The following RAB40C variants were observed in gnomAD, a reference collection of about 807,000 sequenced individuals.
RAB40C encodes the protein ras-related protein Rab-40C.
Under a neutral mutation model 28.1 loss-of-function variants are expected in RAB40C, and 8 were observed. The observed-to-expected ratio is 0.28, with a 90% CI of 0.17 to 0.51. The LOEUF (loss-of-function observed/expected upper bound fraction) is 0.51, where lower values mean the gene tolerates loss of function less well. Among genes scored for constraint, RAB40C ranks in the 20% least tolerant of loss-of-function variants. RAB40C has a pLI of 0.97. For missense variants in RAB40C, 288 were observed against 405.9 expected, an observed-to-expected ratio of 0.71 and a Z score of 2.50; for synonymous variants, 201 against 171.7, an observed-to-expected ratio of 1.17 and a Z score of -1.34.
In RAB40C at chr16:610,186, G is replaced by A. The variant is rs1198105497; in HGVS notation, c.143-7022G>A. Among the ~76,000 whole-genome samples the A allele has an allele frequency of 6.6e-6, 1 of 152,150 alleles. No homozygotes were observed. Among genetic ancestry groups the A allele is most frequent in the African/African-American group, 2.4e-5 (1 of 41,426 alleles). ...CCGAGGCGCCGGTGGCTTTGCTCTG[G>A]TGGCAGGACAGGTGTTCTGACCTCC... On this transcript the variant is annotated intron_variant, in intron 1 of 5. Coordinates refer to ENST00000248139, the MANE Select transcript of RAB40C (RefSeq NM_021168.5). This position sits in a 1 kb window ranked among gnomAD's most constrained non-coding sequence, Gnocchi z 4.6.
intron 1 of RAB40C, among the ~76,000 whole-genome samples, chr16:603,307 A>G (rs2036294030): frequency 6.6e-6 from 1 of 152,198 alleles, no homozygotes; most frequent in African/African-American, 2.4e-5. Context: ...AATTTGTTAG[A>G]TAACTTTTCC....
intron 4 of RAB40C, 156 bp downstream of exon 4, chr16:625,665 C>T: frequency 1.1e-6 from 1 of 907,854 alleles, no homozygotes; most frequent in Non-Finnish European, 1.7e-6. Context: ...ATGCTGGTCA[C>T]TGTGCACACG....
chr16:591,635 A>G (rs1308091892), intron 1 of RAB40C, among the ~76,000 whole-genome samples: 1 of 146,158 alleles, frequency 6.8e-6, no homozygotes, highest in East Asian at 2.0e-4. Context: ...CTCTGTCGCC[A>G]GGCTGGAGTG....
intron 1 of RAB40C, among the ~76,000 whole-genome samples, chr16:608,349 G>C (rs1472495118): frequency 6.6e-6 from 1 of 152,218 alleles, no homozygotes; most frequent in Non-Finnish European, 1.5e-5. Flanking sequence ...GTGGGGATTA[G>C]TCAAGGTGAG....
chr16:625,652 G>A (rs2036814210), intron 4 of RAB40C, 143 bp downstream of exon 4: 1 of 954,588 alleles, frequency 1.0e-6, no homozygotes, highest in African/African-American at 1.6e-5. Context: ...CCTACGCCTG[G>A]GCATGCTGGT....
chr16:618,202 A>T lies in RAB40C; in HGVS notation c.206A>T (p.Asp69Val), dbSNP rs2036629408. Reference protein sequence around the residue: ...DGRRVKLELWDTSGQGRFCTI... With the variant: ...DGRRVKLELWVTSGQGRFCTI... ...CCTCCCCTCCCCGTATGTTTCAGGGACACGTCGGGCCAGGGCCGGTTCTGC... is the reference window on the plus strand; with the variant it reads ...CCTCCCCTCCCCGTATGTTTCAGGGTCACGTCGGGCCAGGGCCGGTTCTGC... The change falls in exon 3 of 6, where the codon GAC (aspartate) becomes GTC (valine). Residue 69 changes from aspartate to valine, a missense_variant and splice_region_variant. Around this residue, in one of 3 missense-constraint regions of RAB40C, gnomAD observed 153 missense variants for 262.4 expected, o/e 0.58. Coordinates refer to ENST00000248139, the MANE Select transcript of RAB40C (RefSeq NM_021168.5). 6.2e-7 allele frequency: 1 copy of T among 1,613,096 alleles called. No homozygotes were observed. The highest frequency in any genetic ancestry group is 1.3e-5 in the African/African-American group (1 of 74,890).
At chr16:623,040 C>T (rs1417220230) in intron 3 of RAB40C, among the ~76,000 whole-genome samples, 1 of 152,156 alleles carries the variant, frequency 6.6e-6, no homozygotes, top group Non-Finnish European at 1.5e-5. Flanking sequence ...CCTCCTGTGC[C>T]ATCGCCCCTG....
Position 602,633 on chromosome 16 carries a change from A to G in RAB40C, c.142+12200A>G, listed in dbSNP as rs144717195. Among the ~76,000 whole-genome samples the G allele has an allele frequency of 1.1e-4, 16 of 152,164 alleles. No individual in the cohort carries two copies. The East Asian group carries it at 1.9e-3, about 18-fold the overall frequency. On this transcript the variant is annotated intron_variant, in intron 1 of 5. Coordinates refer to ENST00000248139, the MANE Select transcript of RAB40C (RefSeq NM_021168.5). ...TTTTTAGTAGAGATGAGGTTTCACC[A>G]TGTCGGCCAGGCTGGTCTCGAGTTC...
intron 1 of RAB40C, among the ~76,000 whole-genome samples, chr16:595,356 G>A (rs973173536): frequency 3.3e-5 from 5 of 152,184 alleles, no homozygotes; most frequent in Admixed American, 6.5e-5. Context: ...CTTGGGGTCC[G>A]GGAGGAGCCG....
At chr16:611,431 T>A (rs923472432) in intron 1 of RAB40C, among the ~76,000 whole-genome samples, 8 of 152,176 alleles carry the variant, frequency 5.3e-5, no homozygotes, top group Non-Finnish European at 1.0e-4. Flanking sequence ...GCCTCTCAGG[T>A]CAGCCTCATG....
At chr16:594,128 CCACCCTCGG>C (rs2036062282) in intron 1 of RAB40C, among the ~76,000 whole-genome samples, 1 of 152,200 alleles carries the variant, frequency 6.6e-6, no homozygotes, top group Admixed American at 6.5e-5. Context: ...TAAGGCAGTT[CCACCCTCGG>C]CACCGTGTCC....
chr16:599,020 C>T (rs977051044), intron 1 of RAB40C, among the ~76,000 whole-genome samples: 25 of 152,198 alleles, frequency 1.6e-4, no homozygotes, highest in Non-Finnish European at 3.4e-4. Context: ...GCCACCTGGG[C>T]ACAGCAGGTA....
intron 1 of RAB40C, among the ~76,000 whole-genome samples, chr16:592,496 T>C (rs1567182447): frequency 6.6e-6 from 1 of 152,152 alleles, no homozygotes. Context: ...TAAGGCCCAC[T>C]GGGGCATTGG....
intron 1 of RAB40C, chr16:616,984 T>C (rs2036598999): frequency 1.8e-6 from 1 of 567,902 alleles, no homozygotes; most frequent in South Asian, 2.0e-5. Flanking sequence ...GCTCCTGCCC[T>C]GCCCTGCCCC....
At chr16:617,907 G>C (rs955127439) in intron 2 of RAB40C, among the ~76,000 whole-genome samples, 22 of 152,218 alleles carry the variant, frequency 1.4e-4, no homozygotes, top group African/African-American at 5.3e-4. Flanking sequence ...ATGTCCACAG[G>C]GTTGGGGTTC....
chr16:594,535 C>T (rs1043679915), intron 1 of RAB40C, among the ~76,000 whole-genome samples: 1 of 152,190 alleles, frequency 6.6e-6, no homozygotes, highest in African/African-American at 2.4e-5. Context: ...CAGTTACAAA[C>T]GTTTCTTCTC....
intron 3 of RAB40C, among the ~76,000 whole-genome samples, chr16:623,132 G>GC (rs1012985578): frequency 3.9e-5 from 6 of 152,258 alleles, no homozygotes; most frequent in South Asian, 2.1e-4. Context: ...TGTGGCCAGG[G>GC]CCCCCCGCGT....
intron 1 of RAB40C, among the ~76,000 whole-genome samples, chr16:607,166 G>T (rs992415368): frequency 6.6e-6 from 1 of 152,152 alleles, no homozygotes; most frequent in Admixed American, 6.5e-5. Context: ...CAGGTGCCAC[G>T]TCCACTCCCC....
intron 1 of RAB40C, among the ~76,000 whole-genome samples, chr16:609,764 C>A (rs997491962): frequency 6.6e-6 from 1 of 152,180 alleles, no homozygotes; most frequent in Non-Finnish European, 1.5e-5. Context: ...TTGAGGACAT[C>A]TCCCAGAAAA....
Sources: gnomAD v4.1 joint callset for allele counts (sites outside exome capture counted in the v4.1 genomes callset) on GRCh38, gnomAD v4.1.1 for gene constraint, gnomAD v4.1.1 regional missense constraint, Gnocchi (gnomAD v3.1) non-coding constraint, MANE v1.5 for transcripts, NCBI Gene and HGNC (gene_info 2026-07-23, HGNC 2026-07-21) for gene names.